The following EXOC6B variants were observed in gnomAD, a reference collection of about 807,000 sequenced individuals.
EXOC6B encodes SEC15 homolog B.
EXOC6B carries 54 observed loss-of-function variants against 113.5 expected under a neutral mutation model. That is an observed-to-expected ratio of 0.48 (90% CI 0.38 to 0.60). The LOEUF is 0.60. Ranked by LOEUF, EXOC6B falls within the 20% of genes least tolerant of loss-of-function variation. The pLI is 0.00. For synonymous variants in EXOC6B, 357 were observed against 339.0 expected (o/e 1.05, Z -0.58); for missense variants, 797 against 977.5 (o/e 0.82, Z 2.46).
At position 72,513,268 on chromosome 2, in the gene EXOC6B, A is replaced by G; in HGVS notation, c.1047-16T>C. 6.2e-7 allele frequency: 1 copy of G among 1,612,266 alleles called. No homozygotes were observed. The highest frequency in any genetic ancestry group is 8.5e-7 in the Non-Finnish European group (1 of 1,178,912). ...CACAAAAAAGCTAAGATTGAGGAAAAAAGAAAGCACAGCTGTCAGAAATTA... is the reference window on the plus strand; with the variant it reads ...CACAAAAAAGCTAAGATTGAGGAAAGAAGAAAGCACAGCTGTCAGAAATTA... On this transcript the variant is annotated splice_polypyrimidine_tract_variant and intron_variant, in intron 10 of 21. Transcript: ENST00000272427.
intron 2 of EXOC6B, among the ~76,000 whole-genome samples, chr2:72,737,747 G>A (rs1457565881): frequency 1.3e-5 from 2 of 152,108 alleles, no homozygotes; most frequent in South Asian, 2.1e-4. Context: ...AGCTATTTGG[G>A]AGGCTGAGGA....
At chr2:72,565,912 A>G (rs1353864108) in intron 7 of EXOC6B, among the ~76,000 whole-genome samples, 1 of 152,120 alleles carries the variant, frequency 6.6e-6, no homozygotes, top group Non-Finnish European at 1.5e-5. Context: ...ACAAAATTAT[A>G]CGTGCATTTA....
At chr2:72,754,982 G>A (rs1451619080) in intron 1 of EXOC6B, among the ~76,000 whole-genome samples, 1 of 152,050 alleles carries the variant, frequency 6.6e-6, no homozygotes, top group East Asian at 1.9e-4. Context: ...AAAATCTATT[G>A]AAGCACCTAG....
intron 20 of EXOC6B, among the ~76,000 whole-genome samples, chr2:72,201,762 G>C (rs1679509050): frequency 6.6e-6 from 1 of 152,184 alleles, no homozygotes; most frequent in Non-Finnish European, 1.5e-5. Flanking sequence ...AAGTATTTGA[G>C]GCTGACCCAG....
chr2:72,809,475 A>T (rs1013517194), intron 1 of EXOC6B, among the ~76,000 whole-genome samples: 1 of 152,216 alleles, frequency 6.6e-6, no homozygotes, highest in Non-Finnish European at 1.5e-5. Flanking sequence ...GAAAATTATC[A>T]AAAACAGAGA....
rs1477259236 is a variant in EXOC6B, at chr2:72,661,251, A to ACTG, written c.669+56851_669+56852insCAG. On this transcript the variant is annotated intron_variant, in intron 6 of 21. Transcript: ENST00000272427. The stretch of plus-strand genomic sequence containing the variant: ...ACCCACCTTTCTAGCCAGAGGACAA[A>ACTG]AAAGAAAAGCAGCAGGAAACTGAAA... Among the ~76,000 whole-genome samples the ACTG allele has an allele frequency of 1.2e-3, 185 of 152,294 alleles. 3 individuals carry two copies. The East Asian group carries it at 0.033, about 27-fold the overall frequency.
At chr2:72,309,902 G>A (rs768930230) in intron 20 of EXOC6B, among the ~76,000 whole-genome samples, 5 of 152,114 alleles carry the variant, frequency 3.3e-5, no homozygotes, top group Non-Finnish European at 5.9e-5. Context: ...AATCATATAT[G>A]ACTTTTTGTG....
chr2:72,401,582 CATATATATATATATATATATGTGTAT>C (rs1693250011), intron 18 of EXOC6B, among the ~76,000 whole-genome samples: 2 of 18,450 alleles, frequency 1.1e-4, no homozygotes, highest in African/African-American at 4.9e-4. Flanking sequence ...TATATATATA[CATATATATATATATATATATGTGTAT>C]ATATATATAT....
rs562981782 is a variant in EXOC6B, at chr2:72,317,328, C to T, written c.2196+17619G>A. Among the ~76,000 whole-genome samples the T allele has an allele frequency of 4.6e-5, 7 of 152,142 alleles. No individual in the cohort carries two copies. In the South Asian group the frequency reaches 1.2e-3, roughly 27 times the overall value. ...CCCCTTTCCCATCCCCAAAACCTAT[C>T]GATACCTCCCTCTAACTAAATTAAA... On this transcript the variant is annotated intron_variant, in intron 20 of 21. Coordinates refer to ENST00000272427, the MANE Select transcript of EXOC6B (RefSeq NM_015189.3).
chr2:72,783,015 T>C (rs1684150782), intron 1 of EXOC6B, among the ~76,000 whole-genome samples: 1 of 152,242 alleles, frequency 6.6e-6, no homozygotes, highest in South Asian at 2.1e-4. Flanking sequence ...ATATACTGGC[T>C]TCTTTTCCTT....
At chr2:72,671,171 A>C (rs1349397608) in intron 6 of EXOC6B, among the ~76,000 whole-genome samples, 1 of 152,228 alleles carries the variant, frequency 6.6e-6, no homozygotes, top group Non-Finnish European at 1.5e-5. Flanking sequence ...ACAGGATTAC[A>C]TTAAGCTAAA....
At chr2:72,525,150 G>T (rs750622684) in intron 8 of EXOC6B, among the ~76,000 whole-genome samples, 11 of 152,220 alleles carry the variant, frequency 7.2e-5, no homozygotes, top group Non-Finnish European at 1.0e-4. Flanking sequence ...GATGTTTGAT[G>T]ATTATGGAGT....
At chr2:72,651,670 A>T (rs1016118906) in intron 6 of EXOC6B, among the ~76,000 whole-genome samples, 2 of 152,172 alleles carry the variant, frequency 1.3e-5, no homozygotes, top group African/African-American at 4.8e-5. Flanking sequence ...CCCAGGCTGG[A>T]CTGCAAGCTC....
chr2:72,705,995 A>G (rs1297512008), intron 6 of EXOC6B, among the ~76,000 whole-genome samples: 1 of 152,220 alleles, frequency 6.6e-6, no homozygotes, highest in African/African-American at 2.4e-5. Flanking sequence ...TGACCAGAGA[A>G]AAGAATAAAC....
intron 18 of EXOC6B, among the ~76,000 whole-genome samples, chr2:72,458,280 C>T (rs972026807): frequency 6.6e-6 from 1 of 152,040 alleles, no homozygotes; most frequent in Non-Finnish European, 1.5e-5. Flanking sequence ...GAATAATGCC[C>T]GAAGGCAAAT....
chr2:72,556,750 T>TA (rs5832086), intron 8 of EXOC6B, among the ~76,000 whole-genome samples: 88,170 of 150,750 alleles, frequency 0.58, 31,418 homozygotes, highest in East Asian at 0.99. Context: ...AGAGGTATTT[T>TA]AAAAAAAAAC....
chr2:72,314,612 T>C (rs889944713), intron 20 of EXOC6B, among the ~76,000 whole-genome samples: 4 of 152,108 alleles, frequency 2.6e-5, no homozygotes, highest in African/African-American at 9.7e-5. Flanking sequence ...ATCAAAGAAA[T>C]CCAGAACCAA....
At chr2:72,273,962 G>T (rs1419765642) in intron 20 of EXOC6B, among the ~76,000 whole-genome samples, 1 of 152,088 alleles carries the variant, frequency 6.6e-6, no homozygotes, top group Non-Finnish European at 1.5e-5. Flanking sequence ...GGATATCTAT[G>T]TAAGTTTTAT....
At chr2:72,797,998 A>T (rs957886790) in intron 1 of EXOC6B, among the ~76,000 whole-genome samples, 4 of 152,174 alleles carry the variant, frequency 2.6e-5, no homozygotes, top group African/African-American at 4.8e-5. Context: ...TATATCTGAC[A>T]TTCAGAAAAA....
Sources: gnomAD v4.1 joint callset for allele counts (sites outside exome capture counted in the v4.1 genomes callset) on GRCh38, gnomAD v4.1.1 for gene constraint, MANE v1.5 for transcripts, NCBI Gene and HGNC (gene_info 2026-07-23, HGNC 2026-07-21) for gene names.